The following FUT9 variants were observed in gnomAD, a reference collection of about 807,000 sequenced individuals.
The protein encoded by FUT9 is fucosyltransferase 9.
In FUT9, 15 loss-of-function variants were observed where a neutral mutation model predicts 29.7. That is an observed-to-expected ratio of 0.51 (90% CI 0.34 to 0.78). FUT9 has a LOEUF of 0.78. FUT9 is among the 30% of genes least tolerant of loss of function. The pLI is 0.01. For synonymous variants in FUT9, 169 were observed against 153.7 expected (o/e 1.10, Z -0.74); for missense variants, 319 against 425.4 (o/e 0.75, Z 2.20).
At chr6:96,072,901 G>C (rs1771086512) in intron 1 of FUT9, among the ~76,000 whole-genome samples, 1 of 152,144 alleles carries the variant, frequency 6.6e-6, no homozygotes, top group East Asian at 1.9e-4. Flanking sequence ...CATACATAAA[G>C]CCTTATTTGA....
intron 2 of FUT9, among the ~76,000 whole-genome samples, chr6:96,172,654 G>GA (rs5878421): frequency 2.9e-4 from 43 of 149,560 alleles, no homozygotes; most frequent in African/African-American, 8.3e-4. Flanking sequence ...GCCCGTTATT[G>GA]AAAAAAAAAA....
chr6:96,028,482 T>G (rs1041809907), intron 1 of FUT9, among the ~76,000 whole-genome samples: 1 of 151,654 alleles, frequency 6.6e-6, no homozygotes, highest in African/African-American at 2.4e-5. Context: ...TCTTAGTATA[T>G]CTGAGACTCT....
intron 1 of FUT9, among the ~76,000 whole-genome samples, chr6:96,077,033 A>C (rs1202890725): frequency 1.3e-5 from 2 of 152,166 alleles, no homozygotes; most frequent in African/African-American, 4.8e-5. Context: ...GTAAAGGAAC[A>C]CTTCCATTCC....
At chr6:96,148,003 C>T (rs1181468462) in intron 2 of FUT9, among the ~76,000 whole-genome samples, 1 of 150,318 alleles carries the variant, frequency 6.7e-6, no homozygotes, top group Non-Finnish European at 1.5e-5. Flanking sequence ...AGAAACACTA[C>T]AAAGCAAAGA....
intron 2 of FUT9, among the ~76,000 whole-genome samples, chr6:96,137,890 C>T (rs1434586972): frequency 6.6e-6 from 1 of 152,010 alleles, no homozygotes; most frequent in Non-Finnish European, 1.5e-5. Context: ...ACATCTAAAA[C>T]TATTCTGAAA....
intron 1 of FUT9, among the ~76,000 whole-genome samples, chr6:96,079,658 A>C (rs1771202847): frequency 6.6e-6 from 1 of 152,168 alleles, no homozygotes; most frequent in Non-Finnish European, 1.5e-5. Flanking sequence ...GAGGACATTT[A>C]GGATAATAAT....
chr6:96,093,453 T>G (rs1345048283), intron 1 of FUT9, among the ~76,000 whole-genome samples: 1 of 152,130 alleles, frequency 6.6e-6, no homozygotes, highest in African/African-American at 2.4e-5. Flanking sequence ...TGATTGACAG[T>G]ATCCTCTAGA....
chr6:96,192,530 C>T (rs150933380), intron 2 of FUT9, among the ~76,000 whole-genome samples: 1,829 of 152,186 alleles, frequency 0.012, 29 homozygotes, highest in Middle Eastern at 0.024. Context: ...CAACTACAAA[C>T]CACTGCTTGA....
chr6:96,065,460 C>A lies in FUT9; in HGVS notation c.-97-48579C>A, dbSNP rs980943601. ...ATTGCCAATGGTTACAAATTCCTGG[C>A]AACTTGCTCAGTTCTCTAAGTAATT... On this transcript the variant is annotated intron_variant, in intron 1 of 2. Transcript: ENST00000302103. 9.9e-5 allele frequency among the ~76,000 whole-genome samples: 15 copies of A among 152,244 alleles called. No homozygotes were observed. In the East Asian group the frequency reaches 2.9e-3, roughly 29 times the overall value.
chr6:96,150,263 G>T (rs1463272803), intron 2 of FUT9, among the ~76,000 whole-genome samples: 2 of 152,136 alleles, frequency 1.3e-5, no homozygotes, highest in Non-Finnish European at 2.9e-5. Context: ...GGAGCAATTA[G>T]GAATCAGGGA....
chr6:96,147,797 G>A lies in FUT9; in HGVS notation c.-9+33670G>A, dbSNP rs80304909. Reference sequence around the variant, plus strand: ...TCAGTTGATGACATCCAGCCATGACGGATTCAGGCTTGCATAAATAATCTG... The same window carrying A: ...TCAGTTGATGACATCCAGCCATGACAGATTCAGGCTTGCATAAATAATCTG... On this transcript the variant is annotated intron_variant, in intron 2 of 2. Coordinates refer to ENST00000302103, the MANE Select transcript of FUT9 (RefSeq NM_006581.4). Among the ~76,000 whole-genome samples, 1,285 of 150,808 alleles carry A rather than the reference G, an allele frequency of 8.5e-3. 20 individuals are homozygous for A. Among genetic ancestry groups the A allele is most frequent in the African/African-American group, 0.03 (1,229 of 40,980 alleles).
chr6:96,194,013 T>G (rs1315478843), intron 2 of FUT9, among the ~76,000 whole-genome samples: 1 of 152,094 alleles, frequency 6.6e-6, no homozygotes, highest in Non-Finnish European at 1.5e-5. Flanking sequence ...TGAGAACACT[T>G]GGATACAGGA....
chr6:96,068,516 A>G (rs941537886), intron 1 of FUT9, among the ~76,000 whole-genome samples: 1 of 152,204 alleles, frequency 6.6e-6, no homozygotes, highest in African/African-American at 2.4e-5. Context: ...GTTATGAATG[A>G]AGCAATTAAT....
At chr6:96,168,486 G>A (rs1773054081) in intron 2 of FUT9, among the ~76,000 whole-genome samples, 1 of 152,140 alleles carries the variant, frequency 6.6e-6, no homozygotes, top group East Asian at 1.9e-4. Context: ...GTATATGAAG[G>A]ACAAGGGAAG....
chr6:96,075,785 A>G (rs1421809559), intron 1 of FUT9, among the ~76,000 whole-genome samples: 1 of 152,194 alleles, frequency 6.6e-6, no homozygotes, highest in Admixed American at 6.5e-5. Flanking sequence ...AAGTTCACTG[A>G]CCGATTTGAC....
chr6:96,115,372 C>T (rs1771891118), intron 2 of FUT9, among the ~76,000 whole-genome samples: 1 of 152,012 alleles, frequency 6.6e-6, no homozygotes, highest in Non-Finnish European at 1.5e-5. Flanking sequence ...CCTTGAAATC[C>T]AGTGTGTACT....
At chr6:96,159,052 T>A (rs1033446511) in intron 2 of FUT9, among the ~76,000 whole-genome samples, 7 of 152,238 alleles carry the variant, frequency 4.6e-5, no homozygotes, top group African/African-American at 1.7e-4. Context: ...TATCTAATTA[T>A]CTTTTCTAAT....
chr6:96,147,973 C>T (rs1772604762), intron 2 of FUT9, among the ~76,000 whole-genome samples: 1 of 151,390 alleles, frequency 6.6e-6, no homozygotes, highest in African/African-American at 2.4e-5. Context: ...ATAAAGAGTA[C>T]CGAAGCGAAA....
chr6:96,179,261 C>T (rs193126624), intron 2 of FUT9, among the ~76,000 whole-genome samples: 1 of 152,072 alleles, frequency 6.6e-6, no homozygotes, highest in Admixed American at 6.6e-5. Flanking sequence ...CATATTTACT[C>T]ATTTAGTAGA....
Sources: gnomAD v4.1 joint callset for allele counts (sites outside exome capture counted in the v4.1 genomes callset) on GRCh38, gnomAD v4.1.1 for gene constraint, MANE v1.5 for transcripts, NCBI Gene and HGNC (gene_info 2026-07-23, HGNC 2026-07-21) for gene names.